ACTR3C: variants seen among roughly 807,000 people sequenced by gnomAD.
ACTR3C encodes actin-related protein 3C.
ACTR3C carries 18 observed loss-of-function variants against 26.3 expected under a neutral mutation model. The observed-to-expected ratio is 0.68, with a 90% CI of 0.47 to 1.01. The LOEUF (loss-of-function observed/expected upper bound fraction) is 1.01. Among genes scored for constraint, ACTR3C ranks in the 50% least tolerant of loss-of-function variants. The pLI, the probability that ACTR3C is intolerant of heterozygous loss-of-function variation, is 0.00. For synonymous variants in ACTR3C, 55 were observed against 94.5 expected (o/e 0.58, Z 2.42); for missense variants, 184 against 250.7 (o/e 0.73, Z 1.80).
intron 4 of ACTR3C, among the ~76,000 whole-genome samples, chr7:150,288,708 T>C (rs1421772816): frequency 2.0e-5 from 3 of 147,220 alleles, no homozygotes; most frequent in African/African-American, 7.8e-5. Flanking sequence ...TCAGGAAACC[T>C]TCCCCTGAGA....
chr7:149,886,776 T>G, the ACTR3C span, among the ~76,000 whole-genome samples: 1 of 151,970 alleles, frequency 6.6e-6, no homozygotes, highest in Non-Finnish European at 1.5e-5. Context: ...GGCGTCATAG[T>G]GAAACCCTGT....
chr7:150,048,256 G>A, the ACTR3C span, among the ~76,000 whole-genome samples: 5 of 151,982 alleles, frequency 3.3e-5, no homozygotes, highest in East Asian at 1.9e-4. Context: ...CTAGAAACCC[G>A]CACACATTCC....
the ACTR3C span, among the ~76,000 whole-genome samples, chr7:150,189,035 T>G: frequency 6.6e-6 from 1 of 151,234 alleles, no homozygotes; most frequent in African/African-American, 2.5e-5. Context: ...CCAAGCTCCC[T>G]CCAACACCCC....
chr7:150,226,529 T>A, the ACTR3C span, among the ~76,000 whole-genome samples: 6 of 152,126 alleles, frequency 3.9e-5, no homozygotes. Flanking sequence ...CTCTGCCTCC[T>A]GGGTTCAAGT....
chr7:150,264,379 C>T (rs1469952316), intron 6 of ACTR3C, among the ~76,000 whole-genome samples: 3 of 152,194 alleles, frequency 2.0e-5, no homozygotes, highest in Admixed American at 6.5e-5. Context: ...GACAACACTG[C>T]ATGAATACTG....
chr7:150,186,710 G>C, the ACTR3C span, among the ~76,000 whole-genome samples: 6 of 152,078 alleles, frequency 3.9e-5, no homozygotes, highest in African/African-American at 1.2e-4. Flanking sequence ...GTGTGTGTTA[G>C]AGCTTTGCCC....
At chr7:150,293,891 G>A (rs1385608461) in intron 2 of ACTR3C, among the ~76,000 whole-genome samples, 1 of 151,826 alleles carries the variant, frequency 6.6e-6, no homozygotes, top group South Asian at 2.1e-4. Context: ...AGCCATAATC[G>A]CACCACTGCA....
intron 6 of ACTR3C, among the ~76,000 whole-genome samples, chr7:150,266,480 G>A (rs149024517): frequency 6.6e-6 from 1 of 151,392 alleles, no homozygotes; most frequent in Non-Finnish European, 1.5e-5. Flanking sequence ...AAATTTCTTT[G>A]AAAAACCATT....
At chr7:150,045,194 A>C in the ACTR3C span, 2 of 152,184 alleles carry the variant, frequency 1.3e-5, no homozygotes, top group South Asian at 4.1e-4. Context: ...TTTTCTACCT[A>C]ATGTCTTTTT....
the ACTR3C span, among the ~76,000 whole-genome samples, chr7:150,180,021 C>T: frequency 2.8e-4 from 42 of 150,332 alleles, 2 homozygotes; most frequent in Admixed American, 1.1e-3. Context: ...GGAAATCTTC[C>T]GTGGCCGGGC....
At chr7:149,994,023 G>A in the ACTR3C span, among the ~76,000 whole-genome samples, 1 of 152,330 alleles carries the variant, frequency 6.6e-6, no homozygotes, top group African/African-American at 2.4e-5. Context: ...CAGGAAAAAG[G>A]AGCTGGAAGC....
Position 150,284,693 on chromosome 7 carries a change from A to G in ACTR3C, c.564+60T>C, listed in dbSNP as rs536155088. The G allele has an allele frequency of 1.1e-4, 147 of 1,371,240 alleles. No homozygotes were observed. The African/African-American group carries it at 1.9e-3, about 18-fold the overall frequency. The allele number at this position is 1,371,240 out of a possible 1,614,324, so 84.9% of individuals were successfully genotyped here. ...TAATAGACAGTAATACCGTCTTCTA[A>G]GAATTATGGGCCTTTAATTGTGGAA... On this transcript the variant is annotated intron_variant, in intron 6 of 7. Coordinates refer to ENST00000683684, the MANE Select transcript of ACTR3C (RefSeq NM_001164458.2).
the ACTR3C span, among the ~76,000 whole-genome samples, chr7:150,069,004 C>A: frequency 6.6e-6 from 1 of 152,132 alleles, no homozygotes; most frequent in Non-Finnish European, 1.5e-5. Context: ...AGAAGGGAAT[C>A]CCCAGAGACT....
chr7:150,020,355 T>C, the ACTR3C span, among the ~76,000 whole-genome samples: 13 of 152,260 alleles, frequency 8.5e-5, no homozygotes, highest in Non-Finnish European at 2.9e-5. Context: ...TTTCGGTCCT[T>C]TTCTGACACT....
At chr7:150,275,797 A>G (rs1834824340) in intron 6 of ACTR3C, among the ~76,000 whole-genome samples, 1 of 152,074 alleles carries the variant, frequency 6.6e-6, no homozygotes, top group Non-Finnish European at 1.5e-5. Context: ...AATTTTCTAA[A>G]TTGAACATGA....
chr7:149,974,592 G>A, the ACTR3C span, among the ~76,000 whole-genome samples: 1 of 152,110 alleles, frequency 6.6e-6, no homozygotes, highest in Non-Finnish European at 1.5e-5. Flanking sequence ...ACATGCAAAT[G>A]CACAGGGGAT....
chr7:150,316,019 G>A (rs930663937), intron 1 of ACTR3C, among the ~76,000 whole-genome samples: 3 of 152,144 alleles, frequency 2.0e-5, no homozygotes, highest in African/African-American at 7.2e-5. Context: ...CCAACATGGA[G>A]AAACCCCGTC....
chr7:149,988,862 ATTAT>A, the ACTR3C span, among the ~76,000 whole-genome samples: 1 of 152,232 alleles, frequency 6.6e-6, no homozygotes, highest in African/African-American at 2.4e-5. Context: ...GTCCCCATGA[ATTAT>A]TTATTTGTTA....
the ACTR3C span, among the ~76,000 whole-genome samples, chr7:149,906,202 T>C: frequency 6.6e-6 from 1 of 152,138 alleles, no homozygotes; most frequent in Non-Finnish European, 1.5e-5. Flanking sequence ...GATGTATCTT[T>C]GTACATGTAA....
Sources: gnomAD v4.1 joint callset for allele counts (sites outside exome capture counted in the v4.1 genomes callset) on GRCh38, gnomAD v4.1.1 for gene constraint, MANE v1.5 for transcripts, NCBI Gene and HGNC (gene_info 2026-07-23, HGNC 2026-07-21) for gene names.